Variants in HNF1B observed in about 807,000 individuals in gnomAD.
The protein encoded by HNF1B is hepatocyte nuclear factor 1-beta.
HNF1B carries 8 observed loss-of-function variants against 61.7 expected under a neutral mutation model. The ratio of observed to expected loss-of-function variants is 0.13; its 90% confidence interval spans 0.08 to 0.23. The LOEUF (loss-of-function observed/expected upper bound fraction) is 0.23, where lower values mean the gene tolerates loss of function less well. HNF1B is among the 10% of genes least tolerant of loss of function. The pLI is 1.00. For missense variants in HNF1B, 562 were observed against 714.5 expected (o/e 0.79, Z 2.43); for synonymous variants, 314 against 287.7 (o/e 1.09, Z -0.93).
intron 4 of HNF1B, among the ~76,000 whole-genome samples, chr17:37,713,304 A>G (rs2032996702): frequency 6.6e-6 from 1 of 152,224 alleles, no homozygotes; most frequent in Admixed American, 6.5e-5. Context: ...TGATGATCAA[A>G]TATGGGTCAC....
intron 4 of HNF1B, among the ~76,000 whole-genome samples, chr17:37,727,589 A>G (rs529731205): frequency 1.3e-5 from 2 of 152,334 alleles, no homozygotes; most frequent in Non-Finnish European, 2.9e-5. Flanking sequence ...GCAACGCTGG[A>G]AACAGCTGAC....
At chr17:37,717,317 C>T (rs1324971589) in intron 4 of HNF1B, among the ~76,000 whole-genome samples, 2 of 152,160 alleles carry the variant, frequency 1.3e-5, no homozygotes, top group African/African-American at 4.8e-5. Flanking sequence ...GTGAGCGTCC[C>T]AGCCACCAAC....
chr17:37,700,957 C>A (rs1361697355), intron 7 of HNF1B, 26 bp downstream of exon 7: 2 of 1,548,810 alleles, frequency 1.3e-6, no homozygotes, highest in East Asian at 2.4e-5. Context: ...TGAGTGCTCC[C>A]TCCCTCCACA....
At chr17:37,716,844 C>CTCTA (rs1555825227) in intron 4 of HNF1B, among the ~76,000 whole-genome samples, 1,098 of 32,154 alleles carry the variant, frequency 0.034, 5 homozygotes, top group Middle Eastern at 0.068. Flanking sequence ...CTTTAACAAT[C>CTCTA]TCTCTCTCTC....
At chr17:37,723,175 T>TAA (rs549820938) in intron 4 of HNF1B, among the ~76,000 whole-genome samples, 2 of 141,246 alleles carry the variant, frequency 1.4e-5, no homozygotes, top group African/African-American at 5.2e-5. Context: ...CCGTCTCTAC[T>TAA]AAAAAAAAAA....
chr17:37,736,773 C>A (rs948269170), intron 2 of HNF1B, among the ~76,000 whole-genome samples: 1 of 152,202 alleles, frequency 6.6e-6, no homozygotes, highest in Admixed American at 6.5e-5. Context: ...GTGTTCAGAA[C>A]TCAGTGTGTC....
At position 37,688,008 on chromosome 17, in the gene HNF1B, T is replaced by C. The variant is rs566861007; in HGVS notation, c.1654-616A>G. On this transcript the variant is annotated intron_variant, in intron 8 of 8. Transcript: ENST00000617811. ...AGAAAATGACCACTCAAACTACTCA[T>C]CAGGAAGGAGCTTTGCAAATTGCAA... Among the ~76,000 whole-genome samples the C allele has an allele frequency of 8.5e-5, 13 of 152,284 alleles. No homozygotes were observed. The East Asian group carries it at 1.7e-3, about 20-fold the overall frequency.
intron 4 of HNF1B, among the ~76,000 whole-genome samples, chr17:37,719,874 C>T (rs1170635921): frequency 6.6e-6 from 1 of 152,202 alleles, no homozygotes; most frequent in Non-Finnish European, 1.5e-5. Flanking sequence ...GGAGAAGATC[C>T]TTTGAGGTCT....
chr17:37,741,084 G>T (rs2033978123), intron 1 of HNF1B, among the ~76,000 whole-genome samples: 1 of 151,568 alleles, frequency 6.6e-6, no homozygotes, highest in Non-Finnish European at 1.5e-5. Context: ...TAGCTTGATA[G>T]AACAAGAAAA....
Position 37,744,916 on chromosome 17 carries a change from G to T in HNF1B, c.-32C>A. On this transcript the variant is annotated 5_prime_UTR_variant, in exon 1 of 9. Transcript: ENST00000617811. ...AGGACGGAAAAAGAAGGGGGTGAGGGGGTGGGTGGGTGCGAGAGAGGAGGG... is the reference window on the plus strand; with the variant it reads ...AGGACGGAAAAAGAAGGGGGTGAGGTGGTGGGTGGGTGCGAGAGAGGAGGG... 1 of 1,385,628 alleles carries T rather than the reference G, an allele frequency of 7.2e-7. No individual in the cohort carries two copies. Among genetic ancestry groups the T allele is most frequent in the Non-Finnish European group, 1.0e-6 (1 of 980,430 alleles). The allele number at this position is 1,385,628 out of a possible 1,614,324, so 85.8% of individuals were successfully genotyped here. A position where few individuals can be genotyped will look rare whatever the true frequency, so the allele number is the denominator to read the frequency against.
intron 4 of HNF1B, among the ~76,000 whole-genome samples, chr17:37,716,742 G>C (rs2033127672): frequency 6.6e-6 from 1 of 152,092 alleles, no homozygotes; most frequent in Admixed American, 6.5e-5. Context: ...ACAGCTCATA[G>C]AGCCCCTGGC....
intron 4 of HNF1B, among the ~76,000 whole-genome samples, chr17:37,717,033 T>C (rs2033146031): frequency 6.6e-6 from 1 of 152,188 alleles, no homozygotes; most frequent in Admixed American, 6.5e-5. Context: ...TTCTGCTGGG[T>C]AAACAGAAGA....
chr17:37,707,974 T>C (rs1387792648), intron 5 of HNF1B, among the ~76,000 whole-genome samples: 1 of 152,172 alleles, frequency 6.6e-6, no homozygotes, highest in Non-Finnish European at 1.5e-5. Context: ...ATGCAGAGAT[T>C]GTCATTCCTA....
At position 37,733,622 on chromosome 17, in the gene HNF1B, C is replaced by T. The variant is rs747124152; in HGVS notation, c.744G>A (p.Gln248=). ...WGPASQQILY[Q]AYDRQKNPSK... is the part of the protein sequence containing the mutation. ...TGGGGTTCTTTTGCCGATCGTAGGC[C>T]TGGTACAAGATTTGCTGGGACGCGG... The change falls in exon 3 of 9, where the codon CAG becomes CAA. Residue 248 remains glutamine (Q), a synonymous_variant. Coordinates refer to ENST00000617811, the MANE Select transcript of HNF1B (RefSeq NM_000458.4). 6.2e-7 allele frequency: 1 copy of T among 1,614,178 alleles called. No individual in the cohort carries two copies. Among genetic ancestry groups the T allele is most frequent in the South Asian group, 1.1e-5 (1 of 91,086 alleles).
At chr17:37,743,647 CAG>C (rs1252547024) in intron 1 of HNF1B, among the ~76,000 whole-genome samples, 5 of 152,232 alleles carry the variant, frequency 3.3e-5, no homozygotes, top group Non-Finnish European at 1.5e-5. Flanking sequence ...CGTGCTGTCT[CAG>C]GGAACCGCTC....
chr17:37,694,664 T>C (rs537615143), intron 8 of HNF1B, among the ~76,000 whole-genome samples: 2 of 152,114 alleles, frequency 1.3e-5, no homozygotes, highest in South Asian at 4.2e-4. Context: ...AATGAGGAAC[T>C]GATTGGGAAC....
chr17:37,714,210 G>A (rs1028442755), intron 4 of HNF1B, among the ~76,000 whole-genome samples: 3 of 152,204 alleles, frequency 2.0e-5, no homozygotes, highest in Non-Finnish European at 4.4e-5. Flanking sequence ...GCACATAACA[G>A]TTGCTGAAAA....
intron 8 of HNF1B, among the ~76,000 whole-genome samples, chr17:37,695,254 T>C (rs2032345610): frequency 6.6e-6 from 1 of 152,200 alleles, no homozygotes; most frequent in Non-Finnish European, 1.5e-5. Context: ...ACCACCACTC[T>C]AGAGGGTGCA....
intron 3 of HNF1B, among the ~76,000 whole-genome samples, chr17:37,732,826 C>T (rs1437973588): frequency 1.3e-5 from 2 of 149,582 alleles, no homozygotes; most frequent in Non-Finnish European, 3.0e-5. Flanking sequence ...TAAAATAACA[C>T]AGAGTTGTTT....
Sources: gnomAD v4.1 joint callset for allele counts (sites outside exome capture counted in the v4.1 genomes callset) on GRCh38, gnomAD v4.1.1 for gene constraint, MANE v1.5 for transcripts, NCBI Gene and HGNC (gene_info 2026-07-23, HGNC 2026-07-21) for gene names.